The following TESMIN variants were observed in gnomAD, a reference collection of about 807,000 sequenced individuals.
TESMIN encodes the protein testis expressed metallothionein like protein.
A neutral mutation model predicts 47.4 loss-of-function variants in TESMIN; 34 were observed. The observed-to-expected ratio is 0.72, with a 90% CI of 0.55 to 0.96. TESMIN has a LOEUF of 0.96. TESMIN is among the 40% of genes least tolerant of loss of function. The pLI is 0.00. For synonymous variants in TESMIN, 278 were observed against 258.9 expected, an observed-to-expected ratio of 1.07 and a Z score of -0.71; for missense variants, 610 against 637.2, an observed-to-expected ratio of 0.96 and a Z score of 0.46.
Position 68,709,174 on chromosome 11 carries a change from G to A in TESMIN, c.1335-674C>T, listed in dbSNP as rs192667032. Among the ~76,000 whole-genome samples the A allele has an allele frequency of 2.0e-4, 30 of 152,324 alleles. 1 individual carries two copies. In the East Asian group the frequency reaches 3.1e-3, roughly 16 times the overall value. On this transcript the variant is annotated intron_variant, in intron 9 of 9. Coordinates refer to ENST00000255087, the MANE Select transcript of TESMIN (RefSeq NM_004923.3). ...CGTTTTTGACATGCCTCTCATGGCGGGTTTGAAATTTCCTCAAAATTAGAT... is the reference window on the plus strand; with the variant it reads ...CGTTTTTGACATGCCTCTCATGGCGAGTTTGAAATTTCCTCAAAATTAGAT...
At chr11:68,729,449 T>C (rs1594293485) in intron 6 of TESMIN, among the ~76,000 whole-genome samples, 1 of 151,032 alleles carries the variant, frequency 6.6e-6, no homozygotes, top group East Asian at 1.9e-4. Flanking sequence ...GGCTTGAACC[T>C]GGGAGGTGGA....
In TESMIN at chr11:68,716,907, A is replaced by G. The variant is rs74928122; in HGVS notation, c.918-968T>C. 5.8e-3 allele frequency among the ~76,000 whole-genome samples: 886 copies of G among 152,294 alleles called. 10 individuals carry two copies. The highest frequency in any genetic ancestry group is 0.02 in the African/African-American group (834 of 41,570). Reference sequence around the variant, plus strand: ...TCACTGTCTTCTGTGAGCATGGTTCATCGAAAAGAGCTTCCAACTCGTTTT... The same window carrying G: ...TCACTGTCTTCTGTGAGCATGGTTCGTCGAAAAGAGCTTCCAACTCGTTTT... On this transcript the variant is annotated intron_variant, in intron 6 of 9. Coordinates refer to ENST00000255087, the MANE Select transcript of TESMIN (RefSeq NM_004923.3).
At chr11:68,724,909 T>C (rs2153991340) in intron 6 of TESMIN, among the ~76,000 whole-genome samples, 1 of 152,256 alleles carries the variant, frequency 6.6e-6, no homozygotes. Flanking sequence ...ATTTTAGAAA[T>C]ATTTAGAATT....
chr11:68,744,410 G>A (rs1946494019), intron 4 of TESMIN, among the ~76,000 whole-genome samples: 1 of 152,114 alleles, frequency 6.6e-6, no homozygotes. Context: ...TCATGCATAA[G>A]GAATTTCAGA....
chr11:68,738,564 T>C lies in TESMIN; in HGVS notation c.917+136A>G, dbSNP rs1413233659. The C allele has an allele frequency of 1.2e-5, 18 of 1,458,756 alleles. No homozygotes were observed. The African/African-American group carries it at 2.4e-4, about 20-fold the overall frequency. 90.4% of individuals were successfully genotyped at this position (1,458,756 alleles called of 1,614,324 possible). ...GCAACACCGTTAGTGGCATTGCTGA[T>C]GGTAAAAACATTTCTCAGAAGTCAT... On this transcript the variant is annotated intron_variant, in intron 6 of 9. Transcript: ENST00000255087.
intron 6 of TESMIN, among the ~76,000 whole-genome samples, chr11:68,729,212 C>T (rs749753655): frequency 5.3e-5 from 8 of 152,144 alleles, no homozygotes; most frequent in Non-Finnish European, 1.0e-4. Flanking sequence ...AAAATATCAA[C>T]ATTGAAAGGA....
At chr11:68,709,474 T>C (rs1018961407) in intron 9 of TESMIN, among the ~76,000 whole-genome samples, 6 of 152,144 alleles carry the variant, frequency 3.9e-5, no homozygotes, top group Admixed American at 3.9e-4. Flanking sequence ...GTGAAAGAGG[T>C]TCTGGAAGAC....
chr11:68,714,355 G>A (rs189130010), intron 7 of TESMIN, among the ~76,000 whole-genome samples: 18 of 152,340 alleles, frequency 1.2e-4, no homozygotes, highest in African/African-American at 4.3e-4. Flanking sequence ...ATGATCTTGT[G>A]CATGTGTGCA....
At chr11:68,739,765 G>A (rs193169468) in intron 5 of TESMIN, among the ~76,000 whole-genome samples, 563 of 152,140 alleles carry the variant, frequency 3.7e-3, no homozygotes, top group Non-Finnish European at 6.1e-3. Context: ...CCTCTTGCTC[G>A]TGCACAGAAG....
chr11:68,714,608 G>A (rs996801742), intron 7 of TESMIN, among the ~76,000 whole-genome samples: 4 of 152,316 alleles, frequency 2.6e-5, no homozygotes, highest in Admixed American at 6.5e-5. Context: ...GCACTGCTGC[G>A]CTTAGCTGTA....
Position 68,707,864 on chromosome 11 carries a change from T to G in TESMIN, c.*444A>C. On this transcript the variant is annotated 3_prime_UTR_variant, in exon 10 of 10. Coordinates refer to ENST00000255087, the MANE Select transcript of TESMIN (RefSeq NM_004923.3). ...TCCGGAGAACTTATTTCTAAATAAT[T>G]TGAAAAACAAACAAGAAACCATTAG... The G allele has an allele frequency of 4.4e-6, 2 of 457,200 alleles. No homozygotes were observed. Among genetic ancestry groups the G allele is most frequent in the South Asian group, 3.1e-5 (2 of 64,560 alleles). The allele number at this position is 457,200 out of a possible 1,614,324, so 28.3% of individuals were successfully genotyped here.
At position 68,749,848 on chromosome 11, in the gene TESMIN, C is replaced by G. The variant is rs139560558; in HGVS notation, c.471+342G>C. Among the ~76,000 whole-genome samples, 22 of 152,314 alleles carry G rather than the reference C, an allele frequency of 1.4e-4. No homozygotes were observed. The East Asian group carries it at 3.5e-3, about 24-fold the overall frequency. ...ATAGTTACCAGCAGACAGCGGGCCT[C>G]TCTCCTTAAGCCAAGGATAGCAACA... On this transcript the variant is annotated intron_variant, in intron 2 of 9. Transcript: ENST00000255087.
Position 68,750,932 on chromosome 11 carries a change from TAGGTGAGGGGCGGCC to T in TESMIN, c.-39-248_-39-234del, listed in dbSNP as rs1387783723. 2.7e-3 allele frequency among the ~76,000 whole-genome samples: 128 copies of T among 47,382 alleles called. 1 individual carries two copies. Among genetic ancestry groups the T allele is most frequent in the African/African-American group, 8.0e-3 (87 of 10,926 alleles). The allele number at this position is 47,382 out of a possible 152,430, so 31.1% of individuals were successfully genotyped here. A position where few individuals can be genotyped will look rare whatever the true frequency, so the allele number is the denominator to read the frequency against. On this transcript the variant is annotated intron_variant, in intron 1 of 9. Coordinates refer to ENST00000255087, the MANE Select transcript of TESMIN (RefSeq NM_004923.3). Reference sequence around the variant, plus strand: ...GAGGGGCGACCAGATGAGGGGCGATTAGGTGAGGGGCGGCCAGGTGAGGGGCGGCCAGGTGAGGAG... The same window carrying T: ...GAGGGGCGACCAGATGAGGGGCGATTAGGTGAGGGGCGGCCAGGTGAGGAG...
At chr11:68,707,187 A>C (rs1288864529), downstream of TESMIN, among the ~76,000 whole-genome samples, 1 of 152,210 alleles carries the variant, frequency 6.6e-6, no homozygotes, top group Non-Finnish European at 1.5e-5. Context: ...CTGTGTTTGC[A>C]ACTAGACTGT....
At chr11:68,732,747 T>A (rs1946343758) in intron 6 of TESMIN, 1 of 152,218 alleles carries the variant, frequency 6.6e-6, no homozygotes, top group African/African-American at 2.4e-5. Flanking sequence ...GCTCAAACAT[T>A]TTCAGACAGT....
At chr11:68,706,701 C>T (rs2513272), downstream of TESMIN, among the ~76,000 whole-genome samples, 106,087 of 152,164 alleles carry the variant, frequency 0.7, 37,557 homozygotes, top group East Asian at 0.86. Context: ...CATTTTCATT[C>T]TGATTACACA....
intron 5 of TESMIN, 69 bp downstream of exon 5, chr11:68,742,249 C>T (rs970250933): frequency 1.5e-5 from 14 of 941,882 alleles, no homozygotes; most frequent in Non-Finnish European, 2.1e-5. Flanking sequence ...GTAATTCCAA[C>T]CATAACAATC....
At chr11:68,743,004 C>T (rs1030233541) in intron 4 of TESMIN, among the ~76,000 whole-genome samples, 1 of 152,028 alleles carries the variant, frequency 6.6e-6, no homozygotes, top group African/African-American at 2.4e-5. Context: ...CACCCTCCCA[C>T]GTAGCTGAGA....
intron 8 of TESMIN, among the ~76,000 whole-genome samples, chr11:68,712,049 T>C (rs1410107930): frequency 6.6e-6 from 1 of 152,268 alleles, no homozygotes; most frequent in Admixed American, 6.5e-5. Context: ...TTCTGTTTCA[T>C]CTGCACCTCT....
Sources: allele counts gnomAD v4.1 joint callset (sites outside exome capture counted in the v4.1 genomes callset), GRCh38; gene constraint gnomAD v4.1.1; transcripts MANE v1.5; gene names NCBI Gene and HGNC (gene_info 2026-07-23, HGNC 2026-07-21).